Variants in ZSCAN18 observed in about 807,000 individuals in gnomAD.
The protein encoded by ZSCAN18 is zinc finger and SCAN domain-containing protein 18.
ZSCAN18 carries 16 observed loss-of-function variants against 31.1 expected under a neutral mutation model. The observed-to-expected ratio is 0.51, with a 90% CI of 0.35 to 0.78. The LOEUF (loss-of-function observed/expected upper bound fraction) is 0.78, where lower values mean the gene tolerates loss of function less well. Among genes scored for constraint, ZSCAN18 ranks in the 30% least tolerant of loss-of-function variants. ZSCAN18 has a pLI of 0.01. For missense variants in ZSCAN18, 731 were observed against 697.4 expected (o/e 1.05, Z -0.54); for synonymous variants, 375 against 320.7 (o/e 1.17, Z -1.81).
At chr19:58,097,367 T>C (rs1389060960) in intron 1 of ZSCAN18, among the ~76,000 whole-genome samples, 1 of 148,150 alleles carries the variant, frequency 6.7e-6, no homozygotes, top group Non-Finnish European at 1.5e-5. Flanking sequence ...GGGGAAGGAG[T>C]GATGGGAGGG....
chr19:58,111,214 T>C (rs993392919), intron 1 of ZSCAN18, among the ~76,000 whole-genome samples: 9 of 152,088 alleles, frequency 5.9e-5, no homozygotes, highest in African/African-American at 2.2e-4. Context: ...TGCTCTGACC[T>C]CCATTACTAC....
intron 1 of ZSCAN18, among the ~76,000 whole-genome samples, chr19:58,111,264 T>A (rs1416740488): frequency 6.6e-6 from 1 of 152,184 alleles, no homozygotes; most frequent in Non-Finnish European, 1.5e-5. Context: ...GTGAGCAGGA[T>A]TGCACCATCC....
chr19:58,084,435 G>T lies in ZSCAN18; in HGVS notation c.*250C>A. 1 of 438,026 alleles carries T rather than the reference G, an allele frequency of 2.3e-6. No individual in the cohort carries two copies. The allele number at this position is 438,026 out of a possible 1,614,324, so 27.1% of individuals were successfully genotyped here. A position where few individuals can be genotyped will look rare whatever the true frequency, so the allele number is the denominator to read the frequency against. On this transcript the variant is annotated 3_prime_UTR_variant, in exon 7 of 7. Transcript: ENST00000601144. This position sits in a 1 kb window ranked among gnomAD's most constrained non-coding sequence, Gnocchi z 4.5. Reference sequence around the variant, plus strand: ...CACTAAATGGCTGCAGGAAAGCCGAGTCTTCTTCCACATCCGGCGGCTCCC... The same window carrying T: ...CACTAAATGGCTGCAGGAAAGCCGATTCTTCTTCCACATCCGGCGGCTCCC...
chr19:58,098,239 A>C, upstream of ZSCAN18: 2 of 985,466 alleles, frequency 2.0e-6, no homozygotes, highest in Non-Finnish European at 2.4e-6. Context: ...GGCGGCCGGC[A>C]AACTGCGCCT....
At chr19:58,112,217 A>T (rs186290321) in intron 1 of ZSCAN18, among the ~76,000 whole-genome samples, 1 of 152,122 alleles carries the variant, frequency 6.6e-6, no homozygotes, top group African/African-American at 2.4e-5. Context: ...TATTTCTTGC[A>T]GAGATGGGGT....
intron 1 of ZSCAN18, among the ~76,000 whole-genome samples, chr19:58,095,077 G>A (rs1351141285): frequency 1.3e-5 from 2 of 151,990 alleles, no homozygotes; most frequent in South Asian, 2.1e-4. Flanking sequence ...AAACAAAACA[G>A]GTCACTGCTG....
intron 1 of ZSCAN18, chr19:58,093,480 C>T (rs2074456391): frequency 6.6e-6 from 1 of 152,332 alleles, no homozygotes; most frequent in Non-Finnish European, 1.5e-5. Flanking sequence ...ATGGCAGCCC[C>T]CACCGGGGTG....
rs1370763563 is a variant in ZSCAN18, at chr19:58,085,166, C to T, written c.1052G>A (p.Arg351Lys). 2.3e-5 allele frequency: 37 copies of T among 1,610,806 alleles called. No individual in the cohort carries two copies. The highest frequency in any genetic ancestry group is 3.1e-5 in the Non-Finnish European group (37 of 1,179,414). The change falls in exon 7 of 7, where the codon AGG becomes AAG. Residue 351 changes from arginine to lysine, a missense_variant. Physicochemically the swap from Arg to Lys is conservative, Grantham distance 26 (BLOSUM62 2). This residue lies in a region of ZSCAN18 where 597 missense variants were observed against 499.5 expected (regional missense o/e 1.20). Coordinates refer to ENST00000601144, the MANE Select transcript of ZSCAN18 (RefSeq NM_001145543.2). ...AESDSATGSQ[R>K]QSVIQQPAPD... ...GGCAGGCTGCTGGATGACGGACTGC[C>T]TCTGCGATCCGGTGGCAGAGTCGGA...
intron 3 of ZSCAN18, chr19:58,088,456 G>C: frequency 2.0e-6 from 1 of 499,546 alleles, no homozygotes; most frequent in East Asian, 3.1e-5. Flanking sequence ...TTTATGTATT[G>C]ATGTTTCTTC....
chr19:58,085,707 A>C, intron 6 of ZSCAN18: 1 of 409,642 alleles, frequency 2.4e-6, no homozygotes, highest in Non-Finnish European at 4.4e-6. Context: ...AAGATGCACG[A>C]TGCAAGGAGA....
Position 58,089,875 on chromosome 19 carries a change from C to G in ZSCAN18, c.393G>C (p.Leu131=), listed in dbSNP as rs373797030. The G allele has an allele frequency of 6.2e-7, 1 of 1,609,166 alleles. No homozygotes were observed. Among genetic ancestry groups the G allele is most frequent in the Admixed American group, 1.7e-5 (1 of 59,806 alleles). ...ASLVEGLADV[L]EEPGMLLGSP... is the part of the protein sequence containing the mutation. ...TCTGTGACAGCCCACCTGGCTCTTCCAGGACATCAGCGAGGCCCTCCACCA... is the reference window on the plus strand; with the variant it reads ...TCTGTGACAGCCCACCTGGCTCTTCGAGGACATCAGCGAGGCCCTCCACCA... Residue 131 remains leucine (L), a synonymous_variant, in exon 2 of 7, where the codon CTG becomes CTC. Coordinates refer to ENST00000601144, the MANE Select transcript of ZSCAN18 (RefSeq NM_001145543.2).
At chr19:58,113,973 C>T (rs2074709333) in intron 1 of ZSCAN18, among the ~76,000 whole-genome samples, 1 of 148,498 alleles carries the variant, frequency 6.7e-6, no homozygotes, top group Non-Finnish European at 1.5e-5. Flanking sequence ...GAGACTCCAG[C>T]TCAAAAAATA....
At chr19:58,109,216 G>C (rs756225854) in intron 1 of ZSCAN18, 8 of 1,231,620 alleles carry the variant, frequency 6.5e-6, no homozygotes, top group Non-Finnish European at 8.1e-6. Context: ...AATCATCCCT[G>C]ATGAACCTTT....
At chr19:58,114,575 C>T (rs1370530563) in intron 1 of ZSCAN18, among the ~76,000 whole-genome samples, 3 of 151,942 alleles carry the variant, frequency 2.0e-5, no homozygotes, top group Non-Finnish European at 4.4e-5. Flanking sequence ...ACACAATATA[C>T]ACATACATAT....
chr19:58,113,316 CA>C (rs925091354), intron 1 of ZSCAN18, among the ~76,000 whole-genome samples: 117 of 138,078 alleles, frequency 8.5e-4, no homozygotes, highest in Non-Finnish European at 7.6e-4. Flanking sequence ...ACTCTGTCTC[CA>C]AAAAAAAAAA....
intron 1 of ZSCAN18, among the ~76,000 whole-genome samples, chr19:58,117,336 A>G (rs1356198225): frequency 6.6e-6 from 1 of 152,026 alleles, no homozygotes; most frequent in Non-Finnish European, 1.5e-5. Context: ...CGGGCATCAG[A>G]GGTTTGTGGA....
In ZSCAN18 at chr19:58,092,805, ACT is replaced by A. The variant is rs1364479709; in HGVS notation, c.-119-2421_-119-2420del. 4 of 762,058 alleles carry A rather than the reference ACT, an allele frequency of 5.2e-6. No individual in the cohort carries two copies. The Admixed American group carries it at 2.9e-4, about 55-fold the overall frequency. The allele number at this position is 762,058 out of a possible 1,614,324, so 47.2% of individuals were successfully genotyped here. ...TTTTTTTTTTTAAACACAGGGTCTT[ACT>A]CTGTCACCCAGGCTGGAGTGCAGTA... is the stretch of plus-strand genomic sequence containing the variant. On this transcript the variant is annotated intron_variant, in intron 1 of 6. Coordinates refer to ENST00000601144, the MANE Select transcript of ZSCAN18 (RefSeq NM_001145543.2).
In ZSCAN18 at chr19:58,084,974, C is replaced by T; in HGVS notation, c.1244G>A (p.Cys415Tyr). The T allele has an allele frequency of 6.2e-7, 1 of 1,600,180 alleles. No homozygotes were observed. The highest frequency in any genetic ancestry group is 8.5e-7 in the Non-Finnish European group (1 of 1,174,968). The change falls in exon 7 of 7, where the codon TGC becomes TAC. Residue 415 changes from cysteine to tyrosine, a missense_variant. Cys to Tyr is a radical substitution (Grantham distance 194). Coordinates refer to ENST00000601144, the MANE Select transcript of ZSCAN18 (RefSeq NM_001145543.2). This position sits in a 1 kb window ranked among gnomAD's most constrained non-coding sequence, Gnocchi z 4.5. Reference protein sequence around the residue: ...PGLSRGKPYACGECGEAFAWL... With the variant: ...PGLSRGKPYAYGECGEAFAWL... ...CGCGAAGGCCTCCCCGCACTCGCCGCAGGCATAGGGCTTCCCGCGGGACAA... is the reference window on the plus strand; with the variant it reads ...CGCGAAGGCCTCCCCGCACTCGCCGTAGGCATAGGGCTTCCCGCGGGACAA...
intron 3 of ZSCAN18, 88 bp from the exon 4 acceptor site, chr19:58,087,492 A>G: frequency 8.5e-7 from 1 of 1,174,750 alleles, no homozygotes; most frequent in Non-Finnish European, 1.2e-6. Context: ...TGCCTCCCAC[A>G]CAGGCCCCAG....
Sources: allele counts gnomAD v4.1 joint callset (sites outside exome capture counted in the v4.1 genomes callset), GRCh38; gene constraint gnomAD v4.1.1; regional missense constraint gnomAD v4.1.1; non-coding constraint Gnocchi (gnomAD v3.1); transcripts MANE v1.5; gene names NCBI Gene and HGNC (gene_info 2026-07-23, HGNC 2026-07-21).